The following CARMIL1 variants were observed in gnomAD, a reference collection of about 807,000 sequenced individuals.
The protein encoded by CARMIL1 is F-actin-uncapping protein LRRC16A.
Under a neutral mutation model 177.1 loss-of-function variants are expected in CARMIL1, and 90 were observed. That is an observed-to-expected ratio of 0.51 (90% CI 0.43 to 0.61). CARMIL1 has a LOEUF of 0.61. Ranked by LOEUF, CARMIL1 falls within the 20% of genes least tolerant of loss-of-function variation. CARMIL1 has a pLI of 0.00. For missense variants in CARMIL1, 1,380 were observed against 1,667.0 expected (o/e 0.83, Z 3.00); for synonymous variants, 577 against 606.2 (o/e 0.95, Z 0.71).
chr6:25,594,924 T>G (rs2151293382), intron 32 of CARMIL1, among the ~76,000 whole-genome samples: 1 of 152,334 alleles, frequency 6.6e-6, no homozygotes, highest in South Asian at 2.1e-4. Flanking sequence ...ATGATCATGG[T>G]TATGCTGGAA....
intron 5 of CARMIL1, among the ~76,000 whole-genome samples, chr6:25,438,713 C>T (rs115725655): frequency 0.012 from 1,783 of 152,220 alleles, 51 homozygotes; most frequent in African/African-American, 0.039. Context: ...CAAGAGGGGG[C>T]TGGAACCAGC....
In CARMIL1 at chr6:25,420,141, G is replaced by T; in HGVS notation, c.166G>T (p.Val56Leu). The T allele has an allele frequency of 1.9e-6, 3 of 1,613,628 alleles. No homozygotes were observed. Among genetic ancestry groups the T allele is most frequent in the Non-Finnish European group, 1.7e-6 (2 of 1,179,600 alleles). The change falls in exon 3 of 37, where the codon GTA becomes TTA. Residue 56 changes from valine to leucine, a missense_variant. By Grantham distance (32) the Val-to-Leu change is conservative. Coordinates refer to ENST00000329474, the MANE Select transcript of CARMIL1 (RefSeq NM_017640.6). ...LVLTSCRAFL[V>L]TARIPTKLEL... ...CCTTACATCATGCCGAGCCTTCCTT[G>T]TAACAGCGCGAATCCCCACCAAGGT...
chr6:25,384,983 C>A (rs900913883), intron 2 of CARMIL1, among the ~76,000 whole-genome samples: 2 of 152,044 alleles, frequency 1.3e-5, no homozygotes, highest in Non-Finnish European at 2.9e-5. Context: ...TTATCGAGTA[C>A]CTATTATGTG....
intron 2 of CARMIL1, among the ~76,000 whole-genome samples, chr6:25,295,778 C>A (rs969534543): frequency 2.6e-5 from 4 of 152,212 alleles, no homozygotes; most frequent in Admixed American, 1.3e-4. Context: ...AGTCCTGTGA[C>A]TTCACTTGTG....
chr6:25,518,767 G>A (rs1806259199), intron 22 of CARMIL1, among the ~76,000 whole-genome samples: 1 of 152,154 alleles, frequency 6.6e-6, no homozygotes, highest in Non-Finnish European at 1.5e-5. Flanking sequence ...CTTGATCACA[G>A]TCGATTATAT....
intron 24 of CARMIL1, among the ~76,000 whole-genome samples, chr6:25,529,657 A>G (rs1414125967): frequency 2.1e-5 from 2 of 94,634 alleles, no homozygotes; most frequent in African/African-American, 8.1e-5. Context: ...ATAGGCTGCT[A>G]GAATGGCGTG....
intron 1 of CARMIL1, among the ~76,000 whole-genome samples, chr6:25,280,059 C>T (rs1780949619): frequency 6.6e-6 from 1 of 152,116 alleles, no homozygotes; most frequent in South Asian, 2.1e-4. Flanking sequence ...ATCGGGAGTC[C>T]TCGGGAGGTG....
intron 17 of CARMIL1, among the ~76,000 whole-genome samples, chr6:25,506,011 GA>G (rs1804873843): frequency 6.6e-6 from 1 of 151,940 alleles, no homozygotes; most frequent in Non-Finnish European, 1.5e-5. Context: ...ATGATGAGTA[GA>G]AAAAAGAGCA....
At chr6:25,446,130 T>C (rs1338333158) in intron 5 of CARMIL1, among the ~76,000 whole-genome samples, 2 of 152,172 alleles carry the variant, frequency 1.3e-5, no homozygotes, top group African/African-American at 4.8e-5. Context: ...CCTTGGGTTT[T>C]TGGAATGGAA....
At chr6:25,329,284 A>G (rs987957697) in intron 2 of CARMIL1, among the ~76,000 whole-genome samples, 1 of 152,208 alleles carries the variant, frequency 6.6e-6, no homozygotes, top group East Asian at 1.9e-4. Flanking sequence ...AGGAATCGGA[A>G]GAGCTGGGTT....
At chr6:25,417,098 G>C (rs1795418945) in intron 2 of CARMIL1, among the ~76,000 whole-genome samples, 1 of 152,158 alleles carries the variant, frequency 6.6e-6, no homozygotes. Context: ...GGGAGGAGCA[G>C]TATTTGAAAG....
At chr6:25,469,707 G>C (rs1186880541) in intron 9 of CARMIL1, among the ~76,000 whole-genome samples, 1 of 152,130 alleles carries the variant, frequency 6.6e-6, no homozygotes, top group South Asian at 2.1e-4. Context: ...GCAGGCGTGC[G>C]CAGTCTGGGA....
chr6:25,532,904 C>T (rs1807912009), intron 24 of CARMIL1, among the ~76,000 whole-genome samples: 1 of 152,086 alleles, frequency 6.6e-6, no homozygotes, highest in Non-Finnish European at 1.5e-5. Flanking sequence ...TGAAAGCCAC[C>T]ATAGACAACA....
intron 2 of CARMIL1, among the ~76,000 whole-genome samples, chr6:25,397,000 A>G (rs1793458002): frequency 6.6e-6 from 1 of 152,082 alleles, no homozygotes; most frequent in Non-Finnish European, 1.5e-5. Context: ...AACAATTTTC[A>G]TGTACAACCT....
At chr6:25,484,331 A>T (rs527762731) in intron 12 of CARMIL1, among the ~76,000 whole-genome samples, 1 of 152,352 alleles carries the variant, frequency 6.6e-6, no homozygotes, top group Admixed American at 6.5e-5. Context: ...ATGATTTTAT[A>T]TCCATGCCAT....
chr6:25,460,335 T>C lies in CARMIL1; in HGVS notation c.615-5538T>C, dbSNP rs370872147. Among the ~76,000 whole-genome samples, 237 of 152,348 alleles carry C rather than the reference T, an allele frequency of 1.6e-3. 1 individual carries two copies. Among genetic ancestry groups the C allele is most frequent in the Middle Eastern group, 6.8e-3 (2 of 294 alleles). ...ACATACTGTCTTGTGTATTTTGTAT[T>C]TTCTGTTAAAATGAGACCTCATCAG... On this transcript the variant is annotated intron_variant, in intron 8 of 36. Coordinates refer to ENST00000329474, the MANE Select transcript of CARMIL1 (RefSeq NM_017640.6).
chr6:25,487,133 A>G (rs867657931), intron 12 of CARMIL1, among the ~76,000 whole-genome samples: 9 of 152,218 alleles, frequency 5.9e-5, no homozygotes, highest in African/African-American at 2.2e-4. Context: ...TATCAGACAC[A>G]CACTAGAATC....
chr6:25,603,297 A>G (rs1815613860), intron 33 of CARMIL1, among the ~76,000 whole-genome samples: 1 of 152,220 alleles, frequency 6.6e-6, no homozygotes, highest in Admixed American at 6.5e-5. Context: ...TCACTTTTCC[A>G]TAGTGATGCC....
chr6:25,383,671 A>G (rs1474790016), intron 2 of CARMIL1: 3 of 152,228 alleles, frequency 2.0e-5, no homozygotes, highest in African/African-American at 7.2e-5. Flanking sequence ...TCGAAGGATG[A>G]CATGCAAATT....
Sources: allele counts gnomAD v4.1 joint callset (sites outside exome capture counted in the v4.1 genomes callset), GRCh38; gene constraint gnomAD v4.1.1; transcripts MANE v1.5; gene names NCBI Gene and HGNC (gene_info 2026-07-23, HGNC 2026-07-21).